HMGCLL1: variants seen among roughly 807,000 people sequenced by gnomAD.
HMGCLL1 encodes the protein 3-hydroxy-3-methylglutaryl-CoA lyase like 1, also known as 3-hydroxymethyl-3-methylglutaryl-CoA lyase, cytoplasmic.
A neutral mutation model predicts 39.1 loss-of-function variants in HMGCLL1; 36 were observed. The ratio of observed to expected loss-of-function variants is 0.92; its 90% CI spans 0.71 to 1.22. HMGCLL1 has a LOEUF of 1.22. Among genes scored for constraint, HMGCLL1 ranks in the 50% most tolerant of loss-of-function variants. The pLI is 0.00. For missense variants in HMGCLL1, 451 were observed against 416.5 expected, an observed-to-expected ratio of 1.08 and a Z score of -0.72; for synonymous variants, 149 against 144.0, an observed-to-expected ratio of 1.03 and a Z score of -0.25.
chr6:55,536,564 C>T (rs1187631733), intron 3 of HMGCLL1, among the ~76,000 whole-genome samples: 1 of 152,152 alleles, frequency 6.6e-6, no homozygotes, highest in Non-Finnish European at 1.5e-5. Context: ...TTTTTATAAA[C>T]ATGTTTTCTT....
At chr6:55,612,177 CATGA>C in the HMGCLL1 span, among the ~76,000 whole-genome samples, 134 of 152,178 alleles carry the variant, frequency 8.8e-4, no homozygotes, top group Middle Eastern at 0.014. Context: ...AGAGCCAAAT[CATGA>C]ATGAACTCCC....
At chr6:55,623,415 CT>C in the HMGCLL1 span, among the ~76,000 whole-genome samples, 1 of 151,758 alleles carries the variant, frequency 6.6e-6, no homozygotes, top group Non-Finnish European at 1.5e-5. Context: ...ACCACTTTTG[CT>C]GTATCCAATA....
intron 3 of HMGCLL1, among the ~76,000 whole-genome samples, chr6:55,520,018 T>C (rs1252324820): frequency 2.0e-5 from 3 of 146,552 alleles, no homozygotes; most frequent in African/African-American, 7.6e-5. Context: ...AAACACCACA[T>C]GTTCTCACTC....
At chr6:55,625,241 G>T in the HMGCLL1 span, among the ~76,000 whole-genome samples, 1 of 152,082 alleles carries the variant, frequency 6.6e-6, no homozygotes, top group Admixed American at 6.6e-5. Context: ...CACCTGAATT[G>T]CCTATCATGA....
intron 5 of HMGCLL1, among the ~76,000 whole-genome samples, chr6:55,505,642 C>G (rs1767116546): frequency 6.6e-6 from 1 of 151,504 alleles, no homozygotes; most frequent in Non-Finnish European, 1.5e-5. Flanking sequence ...TATTAGAATA[C>G]CGTGTATTAA....
chr6:55,599,083 G>A, the HMGCLL1 span, among the ~76,000 whole-genome samples: 11 of 151,996 alleles, frequency 7.2e-5, no homozygotes, highest in Non-Finnish European at 1.6e-4. Flanking sequence ...TGGACACAGG[G>A]AGGGAAACAT....
chr6:55,447,823 A>C (rs1288976504), intron 7 of HMGCLL1, among the ~76,000 whole-genome samples: 1 of 152,148 alleles, frequency 6.6e-6, no homozygotes, highest in Non-Finnish European at 1.5e-5. Flanking sequence ...GGTTAGTATG[A>C]GGCAAGGTAA....
upstream of HMGCLL1, among the ~76,000 whole-genome samples, chr6:55,582,249 C>T (rs1050440932): frequency 1.4e-4 from 22 of 152,088 alleles, no homozygotes; most frequent in Admixed American, 1.2e-3. Flanking sequence ...TTACTTGTTG[C>T]CAAAATTAAA....
intron 7 of HMGCLL1, among the ~76,000 whole-genome samples, chr6:55,472,597 TTTTTG>T (rs1023645699): frequency 4.6e-5 from 7 of 151,506 alleles, no homozygotes; most frequent in African/African-American, 7.3e-5. Flanking sequence ...ATAATATATA[TTTTTG>T]TTTTAATTTT....
chr6:55,562,069 T>A (rs1159041521), intron 1 of HMGCLL1, among the ~76,000 whole-genome samples: 1 of 152,008 alleles, frequency 6.6e-6, no homozygotes, highest in East Asian at 1.9e-4. Flanking sequence ...AACAAACAGG[T>A]TATAAGTGAA....
chr6:55,606,603 T>C, the HMGCLL1 span, among the ~76,000 whole-genome samples: 1 of 152,156 alleles, frequency 6.6e-6, no homozygotes, highest in African/African-American at 2.4e-5. Context: ...TATTTTTATA[T>C]GGGATGATCT....
At chr6:55,642,335 T>C in the HMGCLL1 span, among the ~76,000 whole-genome samples, 2 of 151,770 alleles carry the variant, frequency 1.3e-5, no homozygotes, top group African/African-American at 2.4e-5. Context: ...TGGTTCTAAG[T>C]CTTTGCTATT....
intron 1 of HMGCLL1, chr6:55,577,035 A>C: frequency 6.2e-7 from 1 of 1,611,332 alleles, no homozygotes; most frequent in East Asian, 2.2e-5. Context: ...TCAAACTCAC[A>C]CTAGGAAGAG....
intron 3 of HMGCLL1, among the ~76,000 whole-genome samples, chr6:55,533,292 CTAT>C (rs922068773): frequency 8.6e-4 from 131 of 151,494 alleles, no homozygotes; most frequent in Non-Finnish European, 1.3e-3. Context: ...AAAATATGTA[CTAT>C]TATTATATTA....
At chr6:55,484,668 A>G (rs1189247047) in intron 7 of HMGCLL1, among the ~76,000 whole-genome samples, 1 of 151,816 alleles carries the variant, frequency 6.6e-6, no homozygotes, top group Non-Finnish European at 1.5e-5. Context: ...CCTTTTAGAC[A>G]CTCTACATCT....
chr6:55,666,875 G>A, the HMGCLL1 span, among the ~76,000 whole-genome samples: 262 of 151,492 alleles, frequency 1.7e-3, 1 homozygote, highest in African/African-American at 3.1e-3. Flanking sequence ...AAAAGACATC[G>A]CAACTGAGTC....
the HMGCLL1 span, among the ~76,000 whole-genome samples, chr6:55,651,561 T>C: frequency 2.4e-4 from 37 of 152,226 alleles, no homozygotes; most frequent in Admixed American, 4.6e-4. Context: ...GGCGGGGGAA[T>C]GGCACAAGCA....
At chr6:55,640,356 G>A in the HMGCLL1 span, among the ~76,000 whole-genome samples, 4 of 151,926 alleles carry the variant, frequency 2.6e-5, no homozygotes, top group Admixed American at 6.6e-5. Context: ...AAAAGCTAAT[G>A]ACAATAACTA....
chr6:55,673,867 T>C, the HMGCLL1 span, among the ~76,000 whole-genome samples: 3 of 152,110 alleles, frequency 2.0e-5, no homozygotes, highest in South Asian at 6.2e-4. Flanking sequence ...GTCAGTTTTG[T>C]TGTTTACTAT....
Sources: allele counts gnomAD v4.1 joint callset (sites outside exome capture counted in the v4.1 genomes callset), GRCh38; gene constraint gnomAD v4.1.1; transcripts MANE v1.5; gene names NCBI Gene and HGNC (gene_info 2026-07-23, HGNC 2026-07-21).